Variants in SLC24A3 observed in about 807,000 individuals in gnomAD.
The protein encoded by SLC24A3 is solute carrier family 24 member 3.
A neutral mutation model predicts 75.8 loss-of-function variants in SLC24A3; 28 were observed. The observed-to-expected ratio is 0.37, with a 90% CI of 0.27 to 0.51. SLC24A3 has a LOEUF of 0.51. SLC24A3 is among the 20% of genes least tolerant of loss of function. The pLI is 0.94. For missense variants in SLC24A3, 663 were observed against 847.8 expected, an observed-to-expected ratio of 0.78 and a Z score of 2.71; for synonymous variants, 372 against 334.1, an observed-to-expected ratio of 1.11 and a Z score of -1.24.
At chr20:19,641,916 A>T (rs2032079252) in intron 6 of SLC24A3, among the ~76,000 whole-genome samples, 1 of 152,190 alleles carries the variant, frequency 6.6e-6, no homozygotes, top group Non-Finnish European at 1.5e-5. Context: ...CATTCTTACA[A>T]TGATGTAAGT....
At chr20:19,449,785 C>T (rs191276506) in intron 2 of SLC24A3, among the ~76,000 whole-genome samples, 14 of 152,332 alleles carry the variant, frequency 9.2e-5, no homozygotes, top group Non-Finnish European at 2.1e-4. Flanking sequence ...CATCTTCCCC[C>T]CTGTTCTGTA....
At chr20:19,649,255 G>A (rs779190785) in intron 6 of SLC24A3, among the ~76,000 whole-genome samples, 1 of 152,206 alleles carries the variant, frequency 6.6e-6, no homozygotes, top group Non-Finnish European at 1.5e-5. Context: ...TCTTCATCTA[G>A]AGATAAGTGA....
intron 3 of SLC24A3, among the ~76,000 whole-genome samples, chr20:19,560,690 T>C (rs2122610064): frequency 6.6e-6 from 1 of 152,324 alleles, no homozygotes; most frequent in East Asian, 1.9e-4. Context: ...AATAGGGACC[T>C]TCGGTGTCCA....
chr20:19,551,591 T>C (rs972482989), intron 3 of SLC24A3, among the ~76,000 whole-genome samples: 2 of 152,156 alleles, frequency 1.3e-5, no homozygotes, highest in Non-Finnish European at 2.9e-5. Flanking sequence ...GAGTCGCTTG[T>C]TTTTCCTCAT....
chr20:19,391,053 G>C (rs922506834), intron 2 of SLC24A3, among the ~76,000 whole-genome samples: 1 of 152,196 alleles, frequency 6.6e-6, no homozygotes, highest in Non-Finnish European at 1.5e-5. Context: ...GCTAGGGCAG[G>C]TCTGAGATCA....
At chr20:19,511,143 C>A (rs76857327) in intron 2 of SLC24A3, among the ~76,000 whole-genome samples, 2,815 of 152,194 alleles carry the variant, frequency 0.018, 77 homozygotes, top group African/African-American at 0.064. Flanking sequence ...CAGCCCCTTC[C>A]CCTCCCTGCC....
At chr20:19,373,060 G>T (rs867685690) in intron 2 of SLC24A3, among the ~76,000 whole-genome samples, 2 of 92,780 alleles carry the variant, frequency 2.2e-5, no homozygotes, top group South Asian at 5.9e-4. Flanking sequence ...TTAGTTTTGC[G>T]ATTTTTTTTT....
At chr20:19,382,879 C>T (rs1986206001) in intron 2 of SLC24A3, among the ~76,000 whole-genome samples, 1 of 152,116 alleles carries the variant, frequency 6.6e-6, no homozygotes, top group African/African-American at 2.4e-5. Context: ...TCTGGCCGCC[C>T]CATGTCTCTA....
chr20:19,526,068 G>A (rs997979991), intron 3 of SLC24A3, among the ~76,000 whole-genome samples: 1 of 152,134 alleles, frequency 6.6e-6, no homozygotes, highest in Non-Finnish European at 1.5e-5. Context: ...CCCTCCGCGG[G>A]TGTGCTGTGT....
chr20:19,424,188 G>C (rs6046079), intron 2 of SLC24A3, among the ~76,000 whole-genome samples: 7 of 151,864 alleles, frequency 4.6e-5, no homozygotes, highest in Non-Finnish European at 1.0e-4. Flanking sequence ...TCCTGGGTCC[G>C]GGAGCATAGA....
At chr20:19,394,802 A>T (rs1485020194) in intron 2 of SLC24A3, among the ~76,000 whole-genome samples, 2 of 152,228 alleles carry the variant, frequency 1.3e-5, no homozygotes, top group African/African-American at 4.8e-5. Flanking sequence ...AGTGGAAAAC[A>T]GTATGGTAAT....
chr20:19,522,897 A>G (rs967829070), intron 3 of SLC24A3, among the ~76,000 whole-genome samples: 1 of 151,946 alleles, frequency 6.6e-6, no homozygotes, highest in Non-Finnish European at 1.5e-5. Flanking sequence ...TATATTTATC[A>G]CCTCACATTC....
intron 12 of SLC24A3, among the ~76,000 whole-genome samples, chr20:19,687,081 T>G (rs1206530591): frequency 6.6e-6 from 1 of 152,214 alleles, no homozygotes; most frequent in East Asian, 1.9e-4. Flanking sequence ...TCTGATTAGC[T>G]TACAGTTCTG....
At chr20:19,701,367 C>T (rs1032017524) in intron 15 of SLC24A3, among the ~76,000 whole-genome samples, 11 of 141,906 alleles carry the variant, frequency 7.8e-5, no homozygotes, top group Admixed American at 2.8e-4. Context: ...TAAAAAAAAA[C>T]ATTAATTCAG....
intron 2 of SLC24A3, among the ~76,000 whole-genome samples, chr20:19,311,422 G>A (rs1158190059): frequency 6.6e-6 from 1 of 152,170 alleles, no homozygotes; most frequent in Non-Finnish European, 1.5e-5. Flanking sequence ...CTAATGGTGG[G>A]AAGGTTTGGA....
chr20:19,407,346 C>A (rs898097120), intron 2 of SLC24A3, among the ~76,000 whole-genome samples: 5 of 152,240 alleles, frequency 3.3e-5, no homozygotes, highest in African/African-American at 1.2e-4. Context: ...TTCTGTGTCC[C>A]GGTGCTGTGT....
chr20:19,538,194 C>G (rs1318886452), intron 3 of SLC24A3, among the ~76,000 whole-genome samples: 2 of 152,096 alleles, frequency 1.3e-5, no homozygotes, highest in Non-Finnish European at 2.9e-5. Flanking sequence ...TGAGGTTCAG[C>G]CTTGTCTATG....
chr20:19,519,890 T>C (rs565543341), intron 3 of SLC24A3, among the ~76,000 whole-genome samples: 2 of 152,326 alleles, frequency 1.3e-5, no homozygotes, highest in Admixed American at 6.5e-5. Context: ...TCATCAATAT[T>C]TGGAATTCTT....
At chr20:19,262,413 AAAAAAAAAAAAAAG>A in intron 1 of SLC24A3, among the ~76,000 whole-genome samples, 1 of 151,270 alleles carries the variant, frequency 6.6e-6, no homozygotes, top group Non-Finnish European at 1.5e-5. Context: ...TCAAAAAAAA[AAAAAAAAAAAAAAG>A]AAAGAGAGAG....
Sources: allele counts gnomAD v4.1 joint callset (sites outside exome capture counted in the v4.1 genomes callset), GRCh38; gene constraint gnomAD v4.1.1; transcripts MANE v1.5; gene names NCBI Gene and HGNC (gene_info 2026-07-23, HGNC 2026-07-21).